UBE2F: variants seen among roughly 807,000 people sequenced by gnomAD.
The protein encoded by UBE2F is ubiquitin conjugating enzyme E2 F (putative).
In UBE2F, 5 loss-of-function variants were observed where a neutral mutation model predicts 29.6. The observed-to-expected ratio is 0.17, with a 90% CI of 0.09 to 0.36. The LOEUF is 0.36. Among genes scored for constraint, UBE2F ranks in the 10% least tolerant of loss-of-function variants. UBE2F has a pLI of 1.00. For missense variants in UBE2F, 141 were observed against 228.5 expected, an observed-to-expected ratio of 0.62 and a Z score of 2.47; for synonymous variants, 66 against 81.8, an observed-to-expected ratio of 0.81 and a Z score of 1.04.
intron 4 of UBE2F, among the ~76,000 whole-genome samples, chr2:237,996,136 C>G (rs1055260310): frequency 6.6e-5 from 10 of 152,178 alleles, no homozygotes; most frequent in Non-Finnish European, 1.2e-4. Context: ...TGAGCACACT[C>G]TAATGCTTTC....
chr2:238,021,244 C>T (rs1046701463), intron 5 of UBE2F, among the ~76,000 whole-genome samples: 3 of 152,162 alleles, frequency 2.0e-5, no homozygotes, highest in African/African-American at 7.2e-5. Flanking sequence ...GAAGGCCAGT[C>T]CTGCCATGGG....
At chr2:238,034,439 A>AT (rs552309169) in intron 8 of UBE2F, among the ~76,000 whole-genome samples, 5 of 151,590 alleles carry the variant, frequency 3.3e-5, no homozygotes, top group African/African-American at 9.7e-5. Flanking sequence ...AAAAAAAAAA[A>AT]TTTTTTTTTA....
intron 4 of UBE2F, among the ~76,000 whole-genome samples, chr2:238,006,361 A>G (rs1398174107): frequency 6.6e-6 from 1 of 152,238 alleles, no homozygotes; most frequent in Non-Finnish European, 1.5e-5. Flanking sequence ...AACAATGGGC[A>G]TCACATTTCA....
intron 2 of UBE2F, among the ~76,000 whole-genome samples, chr2:237,977,433 G>C (rs1268693340): frequency 6.6e-6 from 1 of 152,232 alleles, no homozygotes; most frequent in East Asian, 1.9e-4. Context: ...TGAGTAGTTT[G>C]GGCTTGTGGT....
chr2:238,041,417 C>A lies in UBE2F; in HGVS notation c.*79C>A. 6.8e-7 allele frequency: 1 copy of A among 1,479,464 alleles called. No homozygotes were observed. Among genetic ancestry groups the A allele is most frequent in the Non-Finnish European group, 9.4e-7 (1 of 1,061,490 alleles). 91.6% of individuals were successfully genotyped at this position (1,479,464 alleles called of 1,614,324 possible). A position where few individuals can be genotyped will look rare whatever the true frequency, so the allele number is the denominator to read the frequency against. On this transcript the variant is annotated 3_prime_UTR_variant, in exon 10 of 10. Transcript: ENST00000272930. ...GAAACAGCAAGAGGTAGCCCCCTCTCCCGTCCTCATGCTCCCTCTCAGTCC... is the reference window on the plus strand; with the variant it reads ...GAAACAGCAAGAGGTAGCCCCCTCTACCGTCCTCATGCTCCCTCTCAGTCC...
chr2:237,969,389 G>A (rs974246870), intron 1 of UBE2F, among the ~76,000 whole-genome samples: 1 of 152,160 alleles, frequency 6.6e-6, no homozygotes. Flanking sequence ...CTCCTTCAGG[G>A]AGCTGCATGT....
intron 5 of UBE2F, among the ~76,000 whole-genome samples, chr2:238,020,781 G>A (rs1576629860): frequency 2.6e-5 from 4 of 152,188 alleles, no homozygotes; most frequent in African/African-American, 7.2e-5. Flanking sequence ...CTGTCCAAAC[G>A]GATGTAGTGA....
At chr2:237,988,022 C>A in intron 3 of UBE2F, 30 bp downstream of exon 3, 3 of 1,407,662 alleles carry the variant, frequency 2.1e-6, no homozygotes, top group Non-Finnish European at 1.9e-6. Flanking sequence ...ACACTAAGTA[C>A]TGTGAAATAA....
intron 3 of UBE2F, chr2:237,990,457 C>T (rs980630832): frequency 2.5e-5 from 11 of 446,598 alleles, no homozygotes; most frequent in Admixed American, 2.0e-4. Flanking sequence ...AGTTGGAGTA[C>T]AGTGGCATGA....
chr2:237,971,387 A>G lies in UBE2F; in HGVS notation c.-16-1705A>G, dbSNP rs185901130. On this transcript the variant is annotated intron_variant, in intron 1 of 9. Coordinates refer to ENST00000272930, the MANE Select transcript of UBE2F (RefSeq NM_080678.3). The stretch of plus-strand genomic sequence containing the variant: ...TGCCAGGCTGGAGTGCAGTGGTGCA[A>G]TCTTAGCTCACTGCAACCTCTGCCT... Among the ~76,000 whole-genome samples the G allele has an allele frequency of 2.2e-4, 33 of 152,108 alleles. 1 individual carries two copies. Among genetic ancestry groups the G allele is most frequent in the South Asian group, 1.5e-3 (7 of 4,822 alleles).
At position 237,967,164 on chromosome 2, in the gene UBE2F, G is replaced by T; in HGVS notation, c.-17+32G>T. ...AGCGACCGTGCGGCTCTGCGGCGGG[G>T]CGAGGTGCGGCCGCCGGTGCACGGG... On this transcript the variant is annotated intron_variant, in intron 1 of 9. Transcript: ENST00000272930. The surrounding 1 kb of genome is among the most constrained non-coding windows in gnomAD (Gnocchi z 6.3). 1 of 1,177,414 alleles carries T rather than the reference G, an allele frequency of 8.5e-7. No homozygotes were observed. The allele number at this position is 1,177,414 out of a possible 1,614,324, so 72.9% of individuals were successfully genotyped here. A position where few individuals can be genotyped will look rare whatever the true frequency, so the allele number is the denominator to read the frequency against.
At chr2:238,010,105 TTTTA>T (rs2063988455) in intron 4 of UBE2F, among the ~76,000 whole-genome samples, 2 of 152,206 alleles carry the variant, frequency 1.3e-5, no homozygotes, top group African/African-American at 2.4e-5. Flanking sequence ...CTTTTAAGTA[TTTTA>T]TTTGTCATTT....
At chr2:237,968,792 T>C (rs2063113415) in intron 1 of UBE2F, 6 of 965,464 alleles carry the variant, frequency 6.2e-6, no homozygotes, top group Non-Finnish European at 6.2e-6. Context: ...ACAGCTGATC[T>C]GTTACCGAAA....
chr2:237,989,385 C>T (rs2063539446), intron 3 of UBE2F, among the ~76,000 whole-genome samples: 1 of 152,148 alleles, frequency 6.6e-6, no homozygotes, highest in Non-Finnish European at 1.5e-5. Flanking sequence ...CAGAGGCTCA[C>T]TCTGTCGCCC....
chr2:237,999,679 T>A (rs1028948510), intron 4 of UBE2F, among the ~76,000 whole-genome samples: 1 of 152,266 alleles, frequency 6.6e-6, no homozygotes, highest in Admixed American at 6.5e-5. Context: ...TGACTGTATA[T>A]GTGTAGTTCT....
rs1033928001 is a variant in UBE2F at position 237,995,650 on chromosome 2, G to T, written c.214+841G>T. Among the ~76,000 whole-genome samples, 3 of 152,206 alleles carry T rather than the reference G, an allele frequency of 2.0e-5. No individual in the cohort carries two copies. In the South Asian group the frequency reaches 6.2e-4, roughly 31 times the overall value. On this transcript the variant is annotated intron_variant, in intron 4 of 9. Coordinates refer to ENST00000272930, the MANE Select transcript of UBE2F (RefSeq NM_080678.3). ...AAAGAATACAGGATTTTGGTAGGTGGCAATGAACCCACAAATAAGTCCCGG... is the reference window on the plus strand; with the variant it reads ...AAAGAATACAGGATTTTGGTAGGTGTCAATGAACCCACAAATAAGTCCCGG...
At chr2:237,976,913 C>T (rs1207895378) in intron 2 of UBE2F, among the ~76,000 whole-genome samples, 6 of 152,202 alleles carry the variant, frequency 3.9e-5, no homozygotes, top group Non-Finnish European at 7.3e-5. Flanking sequence ...TGCAGCAAGA[C>T]AGCCAGACCC....
intron 4 of UBE2F, 29 bp downstream of exon 4, chr2:237,994,838 A>G (rs892328936): frequency 6.3e-7 from 1 of 1,584,998 alleles, no homozygotes; most frequent in East Asian, 2.2e-5. Context: ...TATTAAAGTG[A>G]TTTCAAACAG....
At chr2:238,013,693 G>T (rs527975877) in intron 4 of UBE2F, among the ~76,000 whole-genome samples, 11 of 152,190 alleles carry the variant, frequency 7.2e-5, no homozygotes, top group African/African-American at 2.6e-4. Flanking sequence ...GTTTTCCCAG[G>T]GCTCTCGGTA....
Sources: allele counts gnomAD v4.1 joint callset (sites outside exome capture counted in the v4.1 genomes callset), GRCh38; gene constraint gnomAD v4.1.1; non-coding constraint Gnocchi (gnomAD v3.1); transcripts MANE v1.5; gene names NCBI Gene and HGNC (gene_info 2026-07-23, HGNC 2026-07-21).